Variants in CCSER2 observed in about 807,000 individuals in gnomAD.
CCSER2 encodes coiled-coil serine rich protein 2, also known as serine-rich coiled-coil domain-containing protein 2.
CCSER2 carries 46 observed loss-of-function variants against 92.3 expected under a neutral mutation model. That is an observed-to-expected ratio of 0.50 (90% CI 0.39 to 0.64). The LOEUF is 0.64. Ranked by LOEUF, CCSER2 falls within the 30% of genes least tolerant of loss-of-function variation. CCSER2 has a pLI of 0.00. For synonymous variants in CCSER2, 433 were observed against 431.4 expected (o/e 1.00, Z -0.04); for missense variants, 1,244 against 1,238.9 (o/e 1.00, Z -0.06).
intron 7 of CCSER2, among the ~76,000 whole-genome samples, chr10:84,468,197 G>T (rs1203884810): frequency 6.6e-6 from 1 of 152,080 alleles, no homozygotes; most frequent in Non-Finnish European, 1.5e-5. Flanking sequence ...ATGGCACTTA[G>T]AATCCTTTAA....
Position 84,432,861 on chromosome 10 carries a change from A to C in CCSER2, c.1869-5651A>C, listed in dbSNP as rs906836559. On this transcript the variant is annotated intron_variant, in intron 5 of 9. Transcript: ENST00000372088. ...GGAATTTTATAGTTTCGCATTTTGC[A>C]TTTAGGCCTTTGATCCATTTTGACT... Among the ~76,000 whole-genome samples the C allele has an allele frequency of 7.9e-5, 12 of 152,188 alleles. No individual in the cohort carries two copies. The South Asian group carries it at 8.3e-4, about 11-fold the overall frequency.
intron 1 of CCSER2, among the ~76,000 whole-genome samples, chr10:84,336,376 A>G (rs1263027773): frequency 6.6e-6 from 1 of 152,230 alleles, no homozygotes; most frequent in Non-Finnish European, 1.5e-5. Context: ...TATGTCATCT[A>G]TTACATTGCT....
Position 84,405,342 on chromosome 10 carries a change from G to GTAAAAC in CCSER2, c.1615-12428_1615-12427insAAAACT, listed in dbSNP as rs1364050381. On this transcript the variant is annotated intron_variant, in intron 3 of 9. Transcript: ENST00000372088. ...GAAATTATTCCAAAATCGATCTTTGGTGTAATTGTGAAGTGTAAAACTGTA... is the reference window on the plus strand; with the variant it reads ...GAAATTATTCCAAAATCGATCTTTGGTAAAACTGTAATTGTGAAGTGTAAAACTGTA... 7.2e-3 allele frequency among the ~76,000 whole-genome samples: 1,090 copies of GTAAAAC among 152,208 alleles called. 34 individuals are homozygous for GTAAAAC. Among genetic ancestry groups the GTAAAAC allele is most frequent in the Admixed American group, 0.055 (839 of 15,272 alleles).
intron 4 of CCSER2, among the ~76,000 whole-genome samples, chr10:84,418,662 A>G (rs1564643939): frequency 6.6e-6 from 1 of 152,100 alleles, no homozygotes. Context: ...TATTTCAGAG[A>G]GGGGAGGTGT....
rs1564609330 is a variant in CCSER2, at chr10:84,372,444, T to G, written c.1392T>G (p.Asp464Glu). The part of the protein sequence containing the change: ...KENEKAFSKT[D>E]EWIDISVSDR... Reference sequence around the variant, plus strand: ...ATGAAAAAGCCTTCAGTAAAACTGATGAATGGATAGATATAAGTGTCTCTG... The same window carrying G: ...ATGAAAAAGCCTTCAGTAAAACTGAGGAATGGATAGATATAAGTGTCTCTG... Residue 464 changes from aspartate (D) to glutamate (E), a missense_variant, in exon 2 of 10, where the codon GAT becomes GAG. Transcript: ENST00000372088. 2 of 1,575,880 alleles carry G rather than the reference T, an allele frequency of 1.3e-6. No individual in the cohort carries two copies. The highest frequency in any genetic ancestry group is 1.7e-6 in the Non-Finnish European group (2 of 1,167,226).
At position 84,513,683 on chromosome 10, in the gene CCSER2, A is replaced by C. The variant is rs1259644858; in HGVS notation, c.2560A>C (p.Ser854Arg). 9.0e-6 allele frequency: 14 copies of C among 1,550,814 alleles called. No individual in the cohort carries two copies. The highest frequency in any genetic ancestry group is 1.2e-5 in the Non-Finnish European group (14 of 1,152,090). The change falls in exon 10 of 10, where the codon AGT becomes CGT. Residue 854 changes from serine (S) to arginine (R), a missense_variant. Coordinates refer to ENST00000372088, the MANE Select transcript of CCSER2 (RefSeq NM_001284240.2). ...GPQLTMDVAK[S>R]TPSEANLNIT... ...ACAATTAACAATGGATGTGGCTAAG[A>C]GTACACCTTCTGAAGCAAACTTAAA...
At chr10:84,422,926 G>T (rs770569563) in intron 4 of CCSER2, among the ~76,000 whole-genome samples, 4 of 151,974 alleles carry the variant, frequency 2.6e-5, no homozygotes, top group Non-Finnish European at 4.4e-5. Context: ...GTGGTGATGT[G>T]TGCATGTAAT....
intron 1 of CCSER2, among the ~76,000 whole-genome samples, chr10:84,363,147 ATTTTTT>A (rs1182773588): frequency 2.4e-5 from 2 of 84,376 alleles, no homozygotes; most frequent in African/African-American, 1.3e-4. Context: ...ACACCCAGCT[ATTTTTT>A]TTTTTTTTTT....
chr10:84,456,399 G>C (rs1290717005), intron 6 of CCSER2, among the ~76,000 whole-genome samples: 1 of 152,050 alleles, frequency 6.6e-6, no homozygotes. Flanking sequence ...CATTTATGCT[G>C]TACCGTGTAT....
chr10:84,457,409 T>TA (rs1413432821), intron 6 of CCSER2, among the ~76,000 whole-genome samples: 2 of 72,638 alleles, frequency 2.8e-5, no homozygotes, highest in African/African-American at 1.1e-4. Context: ...ATATATATTT[T>TA]AAAAAATATA....
At chr10:84,388,782 T>A (rs12779020) in intron 3 of CCSER2, among the ~76,000 whole-genome samples, 31,863 of 152,028 alleles carry the variant, frequency 0.21, 3,599 homozygotes, top group Admixed American at 0.34. Context: ...AGATCCCTCA[T>A]GTGCGCAGTT....
At chr10:84,335,207 G>A (rs908885184) in intron 1 of CCSER2, among the ~76,000 whole-genome samples, 3 of 142,248 alleles carry the variant, frequency 2.1e-5, no homozygotes, top group Admixed American at 7.2e-5. Flanking sequence ...CTGTTCCCCA[G>A]CATTCTACTT....
intron 6 of CCSER2, among the ~76,000 whole-genome samples, chr10:84,458,232 A>G (rs535358880): frequency 4.5e-4 from 68 of 152,260 alleles, no homozygotes; most frequent in African/African-American, 1.5e-3. Context: ...GGTATGAGTT[A>G]TGGGCCAAGA....
chr10:84,330,193 A>G (rs1400238551), intron 1 of CCSER2, among the ~76,000 whole-genome samples: 1 of 152,238 alleles, frequency 6.6e-6, no homozygotes, highest in African/African-American at 2.4e-5. Context: ...CTATATCGAT[A>G]AAATTCAAAG....
intron 1 of CCSER2, among the ~76,000 whole-genome samples, chr10:84,332,719 A>AG (rs1843649305): frequency 6.6e-6 from 1 of 151,786 alleles, no homozygotes; most frequent in African/African-American, 2.4e-5. Context: ...TGGGAGGGTG[A>AG]GGCGGGAGAA....
At chr10:84,448,976 A>G (rs150125944) in intron 6 of CCSER2, among the ~76,000 whole-genome samples, 4 of 152,316 alleles carry the variant, frequency 2.6e-5, no homozygotes, top group East Asian at 3.9e-4. Context: ...ACTTTTATCA[A>G]TTTATCTGTT....
At position 84,382,852 on chromosome 10, in the gene CCSER2, G is replaced by T. The variant is rs189768070; in HGVS notation, c.1614+9037G>T. On this transcript the variant is annotated intron_variant, in intron 3 of 9. Transcript: ENST00000372088. Reference sequence around the variant, plus strand: ...AATGAGATTCTTGTTCACTTTAAAAGGTAGATCCAAAAACTTACTTGTATG... The same window carrying T: ...AATGAGATTCTTGTTCACTTTAAAATGTAGATCCAAAAACTTACTTGTATG... Among the ~76,000 whole-genome samples, 44 of 152,254 alleles carry T rather than the reference G, an allele frequency of 2.9e-4. No individual in the cohort carries two copies. In the East Asian group the frequency reaches 7.0e-3, roughly 24 times the overall value.
intron 9 of CCSER2, among the ~76,000 whole-genome samples, chr10:84,509,432 A>T (rs1472438641): frequency 6.6e-6 from 1 of 152,226 alleles, no homozygotes. Context: ...GTCTTTGGCT[A>T]TCTTTGTAAA....
chr10:84,450,808 TG>T (rs1845233424), intron 6 of CCSER2, among the ~76,000 whole-genome samples: 1 of 152,216 alleles, frequency 6.6e-6, no homozygotes. Flanking sequence ...GGAATATACA[TG>T]TATTAAATTA....
Sources: allele counts gnomAD v4.1 joint callset (sites outside exome capture counted in the v4.1 genomes callset), GRCh38; gene constraint gnomAD v4.1.1; transcripts MANE v1.5; gene names NCBI Gene and HGNC (gene_info 2026-07-23, HGNC 2026-07-21).